The following LARP4 variants were observed in gnomAD, a reference collection of about 807,000 sequenced individuals.
LARP4 encodes La ribonucleoprotein 4, also known as la-related protein 4.
A neutral mutation model predicts 92.9 loss-of-function variants in LARP4; 29 were observed. The ratio of observed to expected loss-of-function variants is 0.31; its 90% confidence interval spans 0.23 to 0.43. The LOEUF (loss-of-function observed/expected upper bound fraction) is 0.43. Ranked by LOEUF, LARP4 falls within the 20% of genes least tolerant of loss-of-function variation. The pLI, the probability that LARP4 is intolerant of heterozygous loss-of-function variation, is 1.00. For missense variants in LARP4, 732 were observed against 860.0 expected (o/e 0.85, Z 1.86); for synonymous variants, 279 against 284.1 (o/e 0.98, Z 0.18).
At chr12:50,455,042 C>T (rs1209278035) in intron 10 of LARP4, 1 of 152,150 alleles carries the variant, frequency 6.6e-6, no homozygotes, top group Non-Finnish European at 1.5e-5. Flanking sequence ...ATTGGTAGAG[C>T]TAAGATTTGA....
At chr12:50,474,215 ATT>A (rs368575406) in intron 15 of LARP4, 48 bp downstream of exon 15, 12,262 of 1,132,512 alleles carry the variant, frequency 0.011, no homozygotes, top group South Asian at 0.018. Context: ...AATAGATTAG[ATT>A]TTTTTTTTTT....
At position 50,476,275 on chromosome 12, in the gene LARP4, G is replaced by A. The variant is rs1315407767; in HGVS notation, c.*411G>A. On this transcript the variant is annotated 3_prime_UTR_variant, in exon 16 of 16. Transcript: ENST00000398473. ...AAATATTTTTTGAAGAAGCATTTCT[G>A]TAAAATTAGAAATTACTTTTTTTAA... The A allele has an allele frequency of 6.6e-6, 1 of 152,450 alleles. No homozygotes were observed. The highest frequency in any genetic ancestry group is 1.5e-5 in the Non-Finnish European group (1 of 68,146). 9.4% of individuals were successfully genotyped at this position (152,450 alleles called of 1,614,324 possible). A position where few individuals can be genotyped will look rare whatever the true frequency, so the allele number is the denominator to read the frequency against.
intron 12 of LARP4, among the ~76,000 whole-genome samples, chr12:50,466,445 C>T (rs1273044581): frequency 6.6e-6 from 1 of 151,920 alleles, no homozygotes; most frequent in Non-Finnish European, 1.5e-5. Context: ...GAAACCTTGT[C>T]ACTACTAAAA....
intron 1 of LARP4, among the ~76,000 whole-genome samples, chr12:50,419,574 G>A (rs1367521763): frequency 1.3e-5 from 2 of 152,056 alleles, no homozygotes; most frequent in African/African-American, 4.8e-5. Flanking sequence ...GTCTTCCTAG[G>A]CAGACATCTA....
chr12:50,470,740 C>T (rs1415185321), intron 13 of LARP4, among the ~76,000 whole-genome samples: 1 of 152,042 alleles, frequency 6.6e-6, no homozygotes, highest in African/African-American at 2.4e-5. Flanking sequence ...CCTTATAACC[C>T]CAACACACAA....
intron 1 of LARP4, among the ~76,000 whole-genome samples, chr12:50,424,462 G>A (rs554410649): frequency 4.6e-5 from 7 of 151,890 alleles, no homozygotes; most frequent in South Asian, 2.1e-4. Flanking sequence ...GGGTTCAAGC[G>A]ATTCTCTTGC....
rs1423526437 is a variant in LARP4, at chr12:50,479,193, G to C, written c.*3329G>C. 1 of 152,442 alleles carries C rather than the reference G, an allele frequency of 6.6e-6. No homozygotes were observed. The highest frequency in any genetic ancestry group is 1.5e-5 in the Non-Finnish European group (1 of 67,992). 9.4% of individuals were successfully genotyped at this position (152,442 alleles called of 1,614,324 possible). A position where few individuals can be genotyped will look rare whatever the true frequency, so the allele number is the denominator to read the frequency against. ...AGTCTCTTGGCTTAAATGTCCACTG[G>C]TTTTACTTTGACACAGTTGAACAAC... On this transcript the variant is annotated 3_prime_UTR_variant, in exon 16 of 16. Coordinates refer to ENST00000398473, the MANE Select transcript of LARP4 (RefSeq NM_052879.5).
Position 50,473,473 on chromosome 12 carries a change from C to G in LARP4, c.1604C>G (p.Thr535Ser). ...CCTGCAGATGAGCAGACAGAATGCA[C>G]TTCTGCCCAGCAACTCAATATGAGT... is the stretch of plus-strand genomic sequence containing the variant. ...PVPADEQTEC[T>S]SAQQLNMSTS... The change falls in exon 14 of 16, where the codon ACT (threonine) becomes AGT (serine). Residue 535 changes from threonine (T) to serine (S), a missense_variant. Physicochemically the swap from Thr to Ser is moderately conservative, Grantham distance 58. This residue lies in a region of LARP4 where 97 missense variants were observed against 85.9 expected (regional missense o/e 1.13). Coordinates refer to ENST00000398473, the MANE Select transcript of LARP4 (RefSeq NM_052879.5). 1 of 1,612,776 alleles carries G rather than the reference C, an allele frequency of 6.2e-7. No individual in the cohort carries two copies. The highest frequency in any genetic ancestry group is 8.5e-7 in the Non-Finnish European group (1 of 1,178,888).
chr12:50,403,848 C>T (rs569373735), intron 1 of LARP4, among the ~76,000 whole-genome samples: 4 of 152,246 alleles, frequency 2.6e-5, no homozygotes, highest in African/African-American at 7.2e-5. Context: ...GTGTCAGGAA[C>T]GTTTGATGTT....
At chr12:50,442,080 T>C (rs1463252827) in intron 8 of LARP4, among the ~76,000 whole-genome samples, 2 of 152,184 alleles carry the variant, frequency 1.3e-5, no homozygotes, top group Non-Finnish European at 2.9e-5. Flanking sequence ...TTCTGGCTTG[T>C]ATTATGTGCT....
At chr12:50,439,605 A>G (rs1421285170) in intron 6 of LARP4, among the ~76,000 whole-genome samples, 4 of 152,104 alleles carry the variant, frequency 2.6e-5, no homozygotes, top group African/African-American at 9.7e-5. Context: ...GTGTCTAGCT[A>G]TGCTGTACAG....
intron 10 of LARP4, among the ~76,000 whole-genome samples, chr12:50,459,278 C>T (rs934216985): frequency 2.0e-5 from 3 of 151,956 alleles, no homozygotes; most frequent in South Asian, 2.1e-4. Context: ...GGATTACAGG[C>T]GTGAGCCACC....
intron 8 of LARP4, among the ~76,000 whole-genome samples, chr12:50,444,190 TAATTC>T (rs996561078): frequency 1.5e-4 from 23 of 152,178 alleles, no homozygotes; most frequent in African/African-American, 4.8e-4. Flanking sequence ...ATTTCATTGT[TAATTC>T]AATTCATTTT....
At chr12:50,460,510 G>A (rs1348290103) in intron 10 of LARP4, among the ~76,000 whole-genome samples, 3 of 151,910 alleles carry the variant, frequency 2.0e-5, no homozygotes, top group African/African-American at 7.3e-5. Flanking sequence ...TTTTTGCAGT[G>A]ATGGGGTCTT....
intron 8 of LARP4, among the ~76,000 whole-genome samples, chr12:50,443,931 TATC>T (rs1479274218): frequency 6.6e-6 from 1 of 152,188 alleles, no homozygotes; most frequent in Non-Finnish European, 1.5e-5. Flanking sequence ...CTGTTTTAAT[TATC>T]ATCATTTTAT....
At chr12:50,470,274 T>C (rs1282585801) in intron 13 of LARP4, among the ~76,000 whole-genome samples, 1 of 152,166 alleles carries the variant, frequency 6.6e-6, no homozygotes, top group Non-Finnish European at 1.5e-5. Context: ...AAGTGCAGTA[T>C]TTTTATTTTC....
At position 50,434,590 on chromosome 12, in the gene LARP4, A is replaced by G. The variant is rs548974066; in HGVS notation, c.399-898A>G. 7.9e-3 allele frequency among the ~76,000 whole-genome samples: 1,187 copies of G among 151,038 alleles called. 14 individuals carry two copies. Among genetic ancestry groups the G allele is most frequent in the African/African-American group, 0.026 (1,065 of 41,330 alleles). ...CTGGCTAATTTTTTGTATTTTTAGT[A>G]GAGACGGGGTTTCACCATGTTGGCC... On this transcript the variant is annotated intron_variant, in intron 4 of 15. Coordinates refer to ENST00000398473, the MANE Select transcript of LARP4 (RefSeq NM_052879.5).
At chr12:50,445,309 TCAC>T (rs954197820) in intron 8 of LARP4, among the ~76,000 whole-genome samples, 8 of 152,210 alleles carry the variant, frequency 5.3e-5, no homozygotes, top group African/African-American at 1.9e-4. Flanking sequence ...GATGAGATGT[TCAC>T]CATCATTCAC....
chr12:50,442,958 A>G (rs1565633353), intron 8 of LARP4, among the ~76,000 whole-genome samples: 1 of 152,112 alleles, frequency 6.6e-6, no homozygotes, highest in Non-Finnish European at 1.5e-5. Context: ...TCTGTCTATG[A>G]TGTTCTTCTC....
Sources: gnomAD v4.1 joint callset for allele counts (sites outside exome capture counted in the v4.1 genomes callset) on GRCh38, gnomAD v4.1.1 for gene constraint, gnomAD v4.1.1 regional missense constraint, MANE v1.5 for transcripts, NCBI Gene and HGNC (gene_info 2026-07-23, HGNC 2026-07-21) for gene names.